ADAM2: variants seen among roughly 807,000 people sequenced by gnomAD.
ADAM2 encodes the protein ADAM metallopeptidase domain 2, also known as disintegrin and metalloproteinase domain-containing protein 2.
Under a neutral mutation model 99.3 loss-of-function variants are expected in ADAM2, and 101 were observed. That is an observed-to-expected ratio of 1.02 (90% confidence interval 0.87 to 1.20). ADAM2 has a LOEUF of 1.20. Among genes scored for constraint, ADAM2 ranks in the 50% most tolerant of loss-of-function variants. The pLI is 0.00. For missense variants in ADAM2, 948 were observed against 878.7 expected, an observed-to-expected ratio of 1.08 and a Z score of -1.00; for synonymous variants, 323 against 287.6, an observed-to-expected ratio of 1.12 and a Z score of -1.25.
At chr8:39,747,734 G>C (rs1382871161) in intron 18 of ADAM2, among the ~76,000 whole-genome samples, 2 of 152,138 alleles carry the variant, frequency 1.3e-5, no homozygotes, top group Admixed American at 1.3e-4. Context: ...TCTTCCAGTA[G>C]TTTCATAGTA....
chr8:39,779,494 TA>T (rs1392114619), intron 10 of ADAM2, among the ~76,000 whole-genome samples: 2 of 152,070 alleles, frequency 1.3e-5, no homozygotes, highest in African/African-American at 2.4e-5. Context: ...CAGACTAGTA[TA>T]AAAAAATTTT....
intron 6 of ADAM2, among the ~76,000 whole-genome samples, chr8:39,815,655 A>G (rs1472321683): frequency 6.6e-6 from 1 of 152,204 alleles, no homozygotes; most frequent in East Asian, 1.9e-4. Context: ...GGGGCAGGGA[A>G]TTACATGAAA....
chr8:39,746,696 A>G (rs968258736), intron 18 of ADAM2, 65 bp from the exon 19 acceptor site: 10 of 1,246,058 alleles, frequency 8.0e-6, no homozygotes, highest in Non-Finnish European at 1.0e-5. Flanking sequence ...ATATTTCTGT[A>G]TTTTACTACG....
chr8:39,822,836 T>G lies in ADAM2; in HGVS notation c.268-1174A>C, dbSNP rs571768564. Among the ~76,000 whole-genome samples the G allele has an allele frequency of 3.9e-5, 6 of 152,274 alleles. No individual in the cohort carries two copies. In the East Asian group the frequency reaches 7.7e-4, roughly 20 times the overall value. On this transcript the variant is annotated intron_variant, in intron 4 of 20. Transcript: ENST00000265708. Reference sequence around the variant, plus strand: ...CAGGCTGGTGTGCAGTGGCGTGATCTCGGCTCACTGCAATCTCCTCCACCT... The same window carrying G: ...CAGGCTGGTGTGCAGTGGCGTGATCGCGGCTCACTGCAATCTCCTCCACCT...
intron 12 of ADAM2, among the ~76,000 whole-genome samples, chr8:39,767,615 G>C (rs890480402): frequency 6.6e-6 from 1 of 152,098 alleles, no homozygotes; most frequent in African/African-American, 2.4e-5. Context: ...TTATATTGCA[G>C]TGACTACTTC....
At chr8:39,835,480 C>T (rs924182514) in intron 2 of ADAM2, among the ~76,000 whole-genome samples, 4 of 152,018 alleles carry the variant, frequency 2.6e-5, no homozygotes, top group East Asian at 3.9e-4. Flanking sequence ...GTCAGGAGAT[C>T]GAGACCATCC....
chr8:39,815,492 G>A (rs1020585198), intron 6 of ADAM2, among the ~76,000 whole-genome samples: 29 of 152,084 alleles, frequency 1.9e-4, no homozygotes, highest in African/African-American at 7.0e-4. Context: ...AGATAGAATA[G>A]GAATACAGAT....
At chr8:39,750,117 T>C (rs1823668137) in intron 16 of ADAM2, among the ~76,000 whole-genome samples, 1 of 152,086 alleles carries the variant, frequency 6.6e-6, no homozygotes, top group Non-Finnish European at 1.5e-5. Context: ...GTTAAAACCT[T>C]CTCATTGAGC....
chr8:39,748,365 G>T (rs771133060), intron 18 of ADAM2, among the ~76,000 whole-genome samples: 1 of 152,228 alleles, frequency 6.6e-6, no homozygotes, highest in African/African-American at 2.4e-5. Flanking sequence ...ACAATTAATT[G>T]CAGCCAATGG....
chr8:39,824,249 C>T (rs2129588455), intron 4 of ADAM2, among the ~76,000 whole-genome samples: 1 of 146,114 alleles, frequency 6.8e-6, no homozygotes, highest in East Asian at 2.0e-4. Flanking sequence ...CGCCATTGCA[C>T]TCCAGCCTGA....
intron 7 of ADAM2, among the ~76,000 whole-genome samples, chr8:39,792,565 T>C (rs1803765636): frequency 6.6e-6 from 1 of 152,072 alleles, no homozygotes; most frequent in Non-Finnish European, 1.5e-5. Flanking sequence ...GATAAATGCC[T>C]TGTGAAGTTA....
chr8:39,760,582 G>A (rs7814938), intron 15 of ADAM2, among the ~76,000 whole-genome samples: 71,495 of 151,698 alleles, frequency 0.47, 17,185 homozygotes, highest in South Asian at 0.67. Context: ...TTAGACGGGC[G>A]TGGTGGCAGG....
intron 15 of ADAM2, among the ~76,000 whole-genome samples, chr8:39,758,008 T>C (rs907140899): frequency 6.6e-6 from 1 of 152,204 alleles, no homozygotes; most frequent in Non-Finnish European, 1.5e-5. Context: ...AAGTATATGC[T>C]TTAGCAATTA....
chr8:39,808,133 A>G (rs984396266), intron 7 of ADAM2, among the ~76,000 whole-genome samples: 3 of 152,028 alleles, frequency 2.0e-5, no homozygotes, highest in African/African-American at 7.2e-5. Context: ...TGGAAAGGCT[A>G]AAACAAAGTT....
At position 39,836,757 on chromosome 8, in the gene ADAM2, CAAGTG is replaced by C. The variant is rs552449875; in HGVS notation, c.132+374_132+378del. ...TCATTAATATAACACATCATTAATTCAAGTGATCATCATCCCATATAAGCAAGCCA... is the reference window on the plus strand; with the variant it reads ...TCATTAATATAACACATCATTAATTCATCATCATCCCATATAAGCAAGCCA... On this transcript the variant is annotated intron_variant, in intron 2 of 20. Coordinates refer to ENST00000265708, the MANE Select transcript of ADAM2 (RefSeq NM_001464.5). 3.7e-4 allele frequency among the ~76,000 whole-genome samples: 57 copies of C among 152,296 alleles called. 1 individual carries two copies. Among genetic ancestry groups the C allele is most frequent in the Non-Finnish European group, 7.9e-4 (54 of 68,016 alleles).
intron 6 of ADAM2, among the ~76,000 whole-genome samples, chr8:39,809,963 C>T (rs1804625310): frequency 6.6e-6 from 1 of 152,154 alleles, no homozygotes; most frequent in African/African-American, 2.4e-5. Context: ...GGGCTAAATG[C>T]TCCAATTAAA....
chr8:39,828,815 T>C (rs1805512565), intron 3 of ADAM2, among the ~76,000 whole-genome samples: 1 of 151,846 alleles, frequency 6.6e-6, no homozygotes, highest in African/African-American at 2.4e-5. Context: ...CATTTTTAAA[T>C]TGTGCTGGGT....
At chr8:39,789,280 C>A (rs996008857) in intron 7 of ADAM2, among the ~76,000 whole-genome samples, 2 of 151,552 alleles carry the variant, frequency 1.3e-5, no homozygotes, top group African/African-American at 4.8e-5. Context: ...ATTTAACAAT[C>A]GTATTTAAAG....
intron 11 of ADAM2, among the ~76,000 whole-genome samples, chr8:39,776,452 C>A (rs1031841532): frequency 6.6e-6 from 1 of 152,060 alleles, no homozygotes; most frequent in African/African-American, 2.4e-5. Context: ...AAGGCTGGCT[C>A]CAGTTACTGC....
Sources: allele counts gnomAD v4.1 joint callset (sites outside exome capture counted in the v4.1 genomes callset), GRCh38; gene constraint gnomAD v4.1.1; transcripts MANE v1.5; gene names NCBI Gene and HGNC (gene_info 2026-07-23, HGNC 2026-07-21).